UBR4: variants seen among roughly 807,000 people sequenced by gnomAD.
UBR4 encodes ubiquitin protein ligase E3 component n-recognin 4, also known as E3 ubiquitin-protein ligase UBR4.
UBR4 carries 124 observed loss-of-function variants against 575.6 expected under a neutral mutation model. The ratio of observed to expected loss-of-function variants is 0.22; its 90% CI spans 0.19 to 0.25. The LOEUF (loss-of-function observed/expected upper bound fraction) is 0.25, where lower values mean the gene tolerates loss of function less well. Among genes scored for constraint, UBR4 ranks in the 10% least tolerant of loss-of-function variants. The pLI is 1.00. For synonymous variants in UBR4, 2,455 were observed against 2,473.7 expected (o/e 0.99, Z 0.22); for missense variants, 4,818 against 6,478.8 (o/e 0.74, Z 8.80).
chr1:19,141,987 T>C (rs1251887613), intron 55 of UBR4, among the ~76,000 whole-genome samples: 1 of 152,162 alleles, frequency 6.6e-6, no homozygotes, highest in Non-Finnish European at 1.5e-5. Flanking sequence ...CTGCGACAGC[T>C]TGCCCCCCAC....
intron 101 of UBR4, among the ~76,000 whole-genome samples, chr1:19,085,081 A>AT (rs1489964174): frequency 6.6e-6 from 1 of 152,228 alleles, no homozygotes; most frequent in East Asian, 1.9e-4. Context: ...GAGCTCTTCA[A>AT]TCTCCAAATA....
chr1:19,119,963 T>C (rs1343224201), intron 69 of UBR4, among the ~76,000 whole-genome samples: 2 of 152,176 alleles, frequency 1.3e-5, no homozygotes, highest in Admixed American at 6.5e-5. Flanking sequence ...CCCCGATACA[T>C]AGCCTTCTGA....
intron 69 of UBR4, 101 bp from the exon 70 acceptor site, chr1:19,119,802 G>T (rs2080976111): frequency 6.9e-7 from 1 of 1,446,982 alleles, no homozygotes; most frequent in Non-Finnish European, 9.3e-7. Flanking sequence ...CACAATTATG[G>T]GTTAAGTTTG....
intron 71 of UBR4, 113 bp downstream of exon 71, chr1:19,118,759 T>A: frequency 2.9e-6 from 3 of 1,036,678 alleles, no homozygotes; most frequent in Non-Finnish European, 4.4e-6. Context: ...CTAGGCAGAT[T>A]CGCTCTTCTC....
intron 58 of UBR4, 102 bp downstream of exon 58, chr1:19,140,686 A>G: frequency 8.3e-7 from 1 of 1,200,012 alleles, no homozygotes; most frequent in Non-Finnish European, 1.2e-6. Context: ...GGAAGTCCAG[A>G]ATGGCCTGTC....
Position 19,117,972 on chromosome 1 carries a change from A to C in UBR4, c.10542-62T>G. Reference sequence around the variant, plus strand: ...CATCTTAGGAAGCACTGAGTTTCACAAAAAAATCATGACAAAGCCATGGCT... The same window carrying C: ...CATCTTAGGAAGCACTGAGTTTCACCAAAAAATCATGACAAAGCCATGGCT... On this transcript the variant is annotated intron_variant, in intron 71 of 105. Transcript: ENST00000375254. This position sits in a 1 kb window ranked among gnomAD's most constrained non-coding sequence, Gnocchi z 4.0. The C allele has an allele frequency of 6.6e-7, 1 of 1,518,416 alleles. No individual in the cohort carries two copies. Among genetic ancestry groups the C allele is most frequent in the East Asian group, 2.3e-5 (1 of 44,262 alleles). The allele number at this position is 1,518,416 out of a possible 1,614,324, so 94.1% of individuals were successfully genotyped here.
chr1:19,195,339 G>GA (rs962040188), intron 8 of UBR4, among the ~76,000 whole-genome samples: 4 of 149,476 alleles, frequency 2.7e-5, no homozygotes, highest in Non-Finnish European at 4.5e-5. Flanking sequence ...TTAAGATTAT[G>GA]AAAAAAAAAT....
intron 14 of UBR4, among the ~76,000 whole-genome samples, 190 bp downstream of exon 14, chr1:19,186,349 AT>A (rs1469090539): frequency 6.6e-6 from 1 of 152,220 alleles, no homozygotes; most frequent in African/African-American, 2.4e-5. Context: ...TCCATCATTC[AT>A]TCATCAACAG....
At chr1:19,146,187 C>G in intron 52 of UBR4, 1 of 1,202,364 alleles carries the variant, frequency 8.3e-7, no homozygotes, top group Non-Finnish European at 1.1e-6. Flanking sequence ...ACCGCAGATT[C>G]AAAGATCTCA....
At chr1:19,194,194 A>T (rs1308154275) in intron 8 of UBR4, among the ~76,000 whole-genome samples, 1 of 152,254 alleles carries the variant, frequency 6.6e-6, no homozygotes, top group Non-Finnish European at 1.5e-5. Context: ...TATGGACTTC[A>T]GTTAATAATA....
rs74399573 is a variant in UBR4 at position 19,139,432 on chromosome 1, T to C, written c.8594-212A>G. On this transcript the variant is annotated intron_variant, in intron 58 of 105. Transcript: ENST00000375254. The surrounding 1 kb of genome is among the most constrained non-coding windows in gnomAD (Gnocchi z 4.2). ...AGGAACAAACACTATACACGGTGCA[T>C]TGCAAACAGTACTTAGACAGGAGTG... Among the ~76,000 whole-genome samples, 191 of 152,308 alleles carry C rather than the reference T, an allele frequency of 1.3e-3. No individual in the cohort carries two copies. Among genetic ancestry groups the C allele is most frequent in the Middle Eastern group, 0.01 (3 of 294 alleles).
chr1:19,159,903 T>C (rs930024475), intron 39 of UBR4, among the ~76,000 whole-genome samples: 68 of 152,286 alleles, frequency 4.5e-4, no homozygotes, highest in African/African-American at 1.6e-3. Context: ...TGGCCAATTC[T>C]CTTCTTTTGA....
chr1:19,150,456 TAAAAA>T, intron 49 of UBR4, 116 bp downstream of exon 49: 1 of 1,162,010 alleles, frequency 8.6e-7, no homozygotes, highest in Non-Finnish European at 1.2e-6. Context: ...TATGAAAACT[TAAAAA>T]AATTCCAGGC....
At chr1:19,124,870 G>T (rs750849274) in intron 64 of UBR4, among the ~76,000 whole-genome samples, 180 bp from the exon 65 acceptor site, 2 of 152,016 alleles carry the variant, frequency 1.3e-5, no homozygotes, top group Admixed American at 1.3e-4. Flanking sequence ...AGGCTTCTGC[G>T]GCCAATTTAA....
At chr1:19,084,758 G>A (rs189338068) in intron 101 of UBR4, 60 bp from the exon 102 acceptor site, 6 of 1,510,978 alleles carry the variant, frequency 4.0e-6, no homozygotes, top group Admixed American at 1.8e-5. Flanking sequence ...AACCCAGTTT[G>A]GGAGACAGAG....
At chr1:19,135,133 C>A (rs770766632) in intron 60 of UBR4, among the ~76,000 whole-genome samples, 1 of 152,080 alleles carries the variant, frequency 6.6e-6, no homozygotes, top group Non-Finnish European at 1.5e-5. Flanking sequence ...ATTCTATGTG[C>A]GTTTCCAGCT....
chr1:19,124,457 A>G, intron 65 of UBR4, 84 bp downstream of exon 65: 1 of 1,544,194 alleles, frequency 6.5e-7, no homozygotes, highest in Admixed American at 2.0e-5. Context: ...ATACCAAGTA[A>G]GGATGAGGAA....
chr1:19,161,214 T>C, intron 37 of UBR4, 67 bp from the exon 38 acceptor site: 1 of 1,460,418 alleles, frequency 6.8e-7, no homozygotes. Context: ...CTGCCTGAGA[T>C]CTCCGAGGAA....
chr1:19,121,972 C>T lies in UBR4; in HGVS notation c.9857G>A (p.Arg3286Gln). ...GCAGAATTTCTGCCAGTTGATGGTT[C>T]GCTGGGCGGCAATCTCTGCACAGGC... Reference protein sequence around the residue: ...LKACAEIAAQRTINWQKFCIK... With the variant: ...LKACAEIAAQQTINWQKFCIK... Residue 3286 changes from arginine (R) to glutamine (Q), a missense_variant, in exon 67 of 106, where the codon CGA becomes CAA. By Grantham distance (43) the Arg-to-Gln change is conservative. This residue lies in a region of UBR4 where 550 missense variants were observed against 791.5 expected (regional missense o/e 0.69). Coordinates refer to ENST00000375254, the MANE Select transcript of UBR4 (RefSeq NM_020765.3). The T allele has an allele frequency of 6.2e-7, 1 of 1,614,162 alleles. No individual in the cohort carries two copies. The highest frequency in any genetic ancestry group is 8.5e-7 in the Non-Finnish European group (1 of 1,180,010).
Sources: allele counts gnomAD v4.1 joint callset (sites outside exome capture counted in the v4.1 genomes callset), GRCh38; gene constraint gnomAD v4.1.1; regional missense constraint gnomAD v4.1.1; non-coding constraint Gnocchi (gnomAD v3.1); transcripts MANE v1.5; gene names NCBI Gene and HGNC (gene_info 2026-07-23, HGNC 2026-07-21).